SIM1: variants seen among roughly 807,000 people sequenced by gnomAD.
SIM1 encodes SIM bHLH transcription factor 1.
In SIM1, 18 loss-of-function variants were observed where a neutral mutation model predicts 78.2. The observed-to-expected ratio is 0.23, with a 90% confidence interval of 0.16 to 0.34. The LOEUF is 0.34. Ranked by LOEUF, SIM1 falls within the 10% of genes least tolerant of loss-of-function variation. The pLI is 1.00. For missense variants in SIM1, 939 were observed against 975.1 expected (o/e 0.96, Z 0.49); for synonymous variants, 417 against 385.2 (o/e 1.08, Z -0.97).
Position 100,389,664 on chromosome 6 carries a change from T to C in SIM1, c.*697A>G, listed in dbSNP as rs1482769092. The C allele has an allele frequency of 5.0e-6, 2 of 398,870 alleles. No homozygotes were observed. Among genetic ancestry groups the C allele is most frequent in the Non-Finnish European group, 8.8e-6 (2 of 226,038 alleles). 24.7% of individuals were successfully genotyped at this position (398,870 alleles called of 1,614,324 possible). A position where few individuals can be genotyped will look rare whatever the true frequency, so the allele number is the denominator to read the frequency against. On this transcript the variant is annotated 3_prime_UTR_variant, in exon 12 of 12. Coordinates refer to ENST00000369208, the MANE Select transcript of SIM1 (RefSeq NM_005068.3). ...TTACTTAGAAAAACCCTCAGCGCCATGTCAGTGCAATCCTGGTCCTTGTCT... is the reference window on the plus strand; with the variant it reads ...TTACTTAGAAAAACCCTCAGCGCCACGTCAGTGCAATCCTGGTCCTTGTCT...
chr6:100,446,726 C>T (rs1372961232), intron 9 of SIM1, among the ~76,000 whole-genome samples: 2 of 152,198 alleles, frequency 1.3e-5, no homozygotes, highest in African/African-American at 4.8e-5. Context: ...AGACTTGCAG[C>T]GTTCTCTTGG....
Position 100,390,024 on chromosome 6 carries a change from T to A in SIM1, c.*337A>T. The A allele has an allele frequency of 2.5e-6, 1 of 397,148 alleles. No individual in the cohort carries two copies. 24.6% of individuals were successfully genotyped at this position (397,148 alleles called of 1,614,324 possible). On this transcript the variant is annotated 3_prime_UTR_variant, in exon 12 of 12. Transcript: ENST00000369208. ...AATAGTTTGTGTGTTTGAGGATCAC[T>A]GGATAGTCACAATGCAATGTTGTCA... is the stretch of plus-strand genomic sequence containing the variant.
At chr6:100,434,312 A>G (rs1771983986) in intron 9 of SIM1, among the ~76,000 whole-genome samples, 1 of 152,236 alleles carries the variant, frequency 6.6e-6, no homozygotes, top group Admixed American at 6.5e-5. Context: ...TCACTACGCC[A>G]GGACTGTGGT....
intron 10 of SIM1, among the ~76,000 whole-genome samples, chr6:100,407,857 C>A (rs531455509): frequency 3.9e-5 from 6 of 151,986 alleles, no homozygotes; most frequent in African/African-American, 1.4e-4. Flanking sequence ...TTGAGTTGTA[C>A]AAGTTCCTTA....
intron 2 of SIM1, among the ~76,000 whole-genome samples, chr6:100,455,591 G>A (rs1013001344): frequency 4.6e-5 from 7 of 152,256 alleles, no homozygotes; most frequent in African/African-American, 1.4e-4. Context: ...ACGGGGGAAA[G>A]GAGAAAGGAC....
intron 9 of SIM1, among the ~76,000 whole-genome samples, chr6:100,430,541 T>C (rs1771874040): frequency 6.6e-6 from 1 of 152,168 alleles, no homozygotes; most frequent in Non-Finnish European, 1.5e-5. Flanking sequence ...ATTAATTCTT[T>C]TATTTTCAAA....
At chr6:100,428,637 TCATA>T (rs1771800208) in intron 9 of SIM1, among the ~76,000 whole-genome samples, 1 of 151,528 alleles carries the variant, frequency 6.6e-6, no homozygotes, top group Admixed American at 6.6e-5. Flanking sequence ...TTAAGAATGT[TCATA>T]CCTTAAATTC....
intron 2 of SIM1, among the ~76,000 whole-genome samples, chr6:100,458,015 T>TCC (rs1562064217): frequency 0.069 from 755 of 10,948 alleles, 55 homozygotes; most frequent in South Asian, 0.098. Flanking sequence ...TTTCTCTCTC[T>TCC]CTCTCTCTCT....
intron 10 of SIM1, among the ~76,000 whole-genome samples, chr6:100,412,378 A>T (rs1258997342): frequency 6.6e-6 from 1 of 151,484 alleles, no homozygotes; most frequent in African/African-American, 2.4e-5. Context: ...CTCTACTAAA[A>T]ATACAAAAAT....
intron 8 of SIM1, among the ~76,000 whole-genome samples, chr6:100,447,742 C>T (rs1455713204): frequency 1.3e-5 from 2 of 152,198 alleles, no homozygotes; most frequent in African/African-American, 2.4e-5. Flanking sequence ...AGCTGAGCTC[C>T]GGCGCTCACG....
At chr6:100,450,665 G>GTCTCTCTCTCTCTCTCTC (rs374252955) in intron 3 of SIM1, among the ~76,000 whole-genome samples, 14 of 117,306 alleles carry the variant, frequency 1.2e-4, no homozygotes, top group Admixed American at 4.4e-4. Flanking sequence ...CACACACACT[G>GTCTCTCTCTCTCTCTCTC]TCTCTCTCTC....
Position 100,447,421 on chromosome 6 carries a change from G to C in SIM1, c.851-6C>G. On this transcript the variant is annotated splice_region_variant and splice_polypyrimidine_tract_variant and intron_variant, in intron 8 of 11. Coordinates refer to ENST00000369208, the MANE Select transcript of SIM1 (RefSeq NM_005068.3). ...CACCTGTCCCTTCACCAGCACTGAC[G>C]GAGAGACAGGAGGCAGATGGTGGTG... The C allele has an allele frequency of 1.2e-6, 2 of 1,614,152 alleles. No homozygotes were observed. Among genetic ancestry groups the C allele is most frequent in the Non-Finnish European group, 1.7e-6 (2 of 1,180,000 alleles).
At chr6:100,444,112 A>AT (rs1772290508) in intron 9 of SIM1, among the ~76,000 whole-genome samples, 1 of 82,132 alleles carries the variant, frequency 1.2e-5, no homozygotes, top group Non-Finnish European at 2.7e-5. Flanking sequence ...GGTGTTCTAC[A>AT]TTTTCTTTAC....
chr6:100,453,048 C>CG (rs377413686), intron 3 of SIM1, among the ~76,000 whole-genome samples: 110 of 152,234 alleles, frequency 7.2e-4, no homozygotes, highest in African/African-American at 2.6e-3. Flanking sequence ...TTGGGACAAG[C>CG]GCAAAATCTA....
intron 6 of SIM1, 44 bp downstream of exon 6, chr6:100,449,319 C>G (rs370229882): frequency 6.5e-7 from 1 of 1,542,354 alleles, no homozygotes; most frequent in South Asian, 1.1e-5. Context: ...CCTTGCTTCC[C>G]GCCTCCTCTG....
At chr6:100,458,825 CT>C (rs1321642991) in intron 2 of SIM1, among the ~76,000 whole-genome samples, 2 of 152,242 alleles carry the variant, frequency 1.3e-5, no homozygotes, top group Admixed American at 1.3e-4. Flanking sequence ...GAAGTTTACT[CT>C]GCAGTGGACA....
intron 10 of SIM1, among the ~76,000 whole-genome samples, chr6:100,413,009 C>CT (rs1771300510): frequency 6.6e-6 from 1 of 152,190 alleles, no homozygotes; most frequent in South Asian, 2.1e-4. Flanking sequence ...TATTGGTTCT[C>CT]TCACTATCTG....
intron 3 of SIM1, among the ~76,000 whole-genome samples, chr6:100,453,467 T>A (rs755600026): frequency 4.6e-5 from 7 of 152,070 alleles, no homozygotes; most frequent in Non-Finnish European, 1.0e-4. Context: ...TGGAGACAAA[T>A]GGTGCCCCCT....
intron 10 of SIM1, among the ~76,000 whole-genome samples, chr6:100,410,912 A>G (rs1163624157): frequency 2.0e-5 from 3 of 152,196 alleles, no homozygotes; most frequent in African/African-American, 7.2e-5. Flanking sequence ...AAGCATTATG[A>G]AGGAACATGA....
Sources: gnomAD v4.1 joint callset for allele counts (sites outside exome capture counted in the v4.1 genomes callset) on GRCh38, gnomAD v4.1.1 for gene constraint, MANE v1.5 for transcripts, NCBI Gene and HGNC (gene_info 2026-07-23, HGNC 2026-07-21) for gene names.